Variants in MYT1L observed in about 807,000 individuals in gnomAD.
MYT1L encodes myelin transcription factor 1-like protein.
A neutral mutation model predicts 126.7 loss-of-function variants in MYT1L; 12 were observed. The observed-to-expected ratio is 0.09, with a 90% CI of 0.06 to 0.15. MYT1L has a LOEUF of 0.15. Among genes scored for constraint, MYT1L ranks in the 10% least tolerant of loss-of-function variants. The pLI, the probability that MYT1L is intolerant of heterozygous loss-of-function variation, is 1.00. For synonymous variants in MYT1L, 541 were observed against 604.2 expected, an observed-to-expected ratio of 0.90 and a Z score of 1.53; for missense variants, 979 against 1,585.2, an observed-to-expected ratio of 0.62 and a Z score of 6.49.
rs757528567 is a variant in MYT1L, at chr2:1,922,133, G to T, written c.1483+153C>A. ...AATATTTTATTTGCTTGTCAGAAAC[G>T]TAATCACAAAATATCCTTCTGGAAT... On this transcript the variant is annotated intron_variant, in intron 10 of 24. Coordinates refer to ENST00000647738, the MANE Select transcript of MYT1L (RefSeq NM_001303052.2). The surrounding 1 kb of genome is among the most constrained non-coding windows in gnomAD (Gnocchi z 7.4). Among the ~76,000 whole-genome samples the T allele has an allele frequency of 1.6e-4, 25 of 152,106 alleles. No individual in the cohort carries two copies. Among genetic ancestry groups the T allele is most frequent in the Admixed American group, 7.2e-4 (11 of 15,270 alleles).
At position 2,305,295 on chromosome 2, in the gene MYT1L, A is replaced by G. The variant is rs537507523; in HGVS notation, c.-520-20792T>C. On this transcript the variant is annotated intron_variant, in intron 1 of 24. Coordinates refer to ENST00000647738, the MANE Select transcript of MYT1L (RefSeq NM_001303052.2). ...TGCAAAGAACATTTCACAGTGGAAT[A>G]TATTGGACCAAGGTGATTATATTCA... Among the ~76,000 whole-genome samples, 10 of 152,308 alleles carry G rather than the reference A, an allele frequency of 6.6e-5. No individual in the cohort carries two copies. The South Asian group carries it at 1.0e-3, about 16-fold the overall frequency.
At chr2:2,108,784 A>AT (rs11423774) in intron 3 of MYT1L, among the ~76,000 whole-genome samples, 2,335 of 151,380 alleles carry the variant, frequency 0.015, 57 homozygotes, top group African/African-American at 0.053. Context: ...TCTTGGCAGT[A>AT]TTTTTTTTTC....
At chr2:2,310,744 T>C (rs1305234235) in intron 1 of MYT1L, among the ~76,000 whole-genome samples, 2 of 152,194 alleles carry the variant, frequency 1.3e-5, no homozygotes, top group Non-Finnish European at 2.9e-5. Context: ...AATTATACAG[T>C]TATCTATAAA....
chr2:2,309,773 C>T (rs577397696), intron 1 of MYT1L, among the ~76,000 whole-genome samples: 1 of 152,010 alleles, frequency 6.6e-6, no homozygotes, highest in African/African-American at 2.4e-5. Flanking sequence ...GTCTATACTC[C>T]ACCTACACTT....
At chr2:1,881,885 T>C (rs574893643) in intron 18 of MYT1L, among the ~76,000 whole-genome samples, 5 of 152,288 alleles carry the variant, frequency 3.3e-5, no homozygotes, top group South Asian at 2.1e-4. Context: ...TTATTAATGA[T>C]TGAGGAGCAG....
intron 19 of MYT1L, chr2:1,841,835 C>T (rs1256250655): frequency 1.3e-5 from 2 of 152,168 alleles, no homozygotes; most frequent in Non-Finnish European, 2.9e-5. Context: ...GGGCTAGTGA[C>T]TTATTCCAGG....
At chr2:1,963,026 A>G (rs986680187) in intron 8 of MYT1L, among the ~76,000 whole-genome samples, 4 of 152,242 alleles carry the variant, frequency 2.6e-5, no homozygotes, top group African/African-American at 9.6e-5. Context: ...CAGGTCCATC[A>G]GAGGAATCAC....
intron 4 of MYT1L, among the ~76,000 whole-genome samples, chr2:2,029,301 G>A (rs912492298): frequency 6.6e-6 from 1 of 152,118 alleles, no homozygotes; most frequent in Non-Finnish European, 1.5e-5. Flanking sequence ...CCCAAGACTG[G>A]GTAATTATAA....
At chr2:2,286,044 G>A (rs762258307) in intron 1 of MYT1L, among the ~76,000 whole-genome samples, 69 of 152,042 alleles carry the variant, frequency 4.5e-4, no homozygotes, top group East Asian at 2.5e-3. Flanking sequence ...GTGCAGTGGC[G>A]TGATCTCAGC....
At chr2:1,990,487 T>C (rs116658668) in intron 5 of MYT1L, among the ~76,000 whole-genome samples, 3,464 of 151,982 alleles carry the variant, frequency 0.023, 112 homozygotes, top group African/African-American at 0.075. Flanking sequence ...AGCACCAAAA[T>C]AGAAAAACCA....
At chr2:2,047,054 C>A (rs116225774) in intron 4 of MYT1L, among the ~76,000 whole-genome samples, 1,977 of 152,256 alleles carry the variant, frequency 0.013, 40 homozygotes, top group African/African-American at 0.046. Context: ...TATGCTAATA[C>A]GCCACTACGT....
intron 2 of MYT1L, among the ~76,000 whole-genome samples, chr2:2,184,865 CCCG>C (rs1295212045): frequency 6.6e-6 from 1 of 152,228 alleles, no homozygotes; most frequent in African/African-American, 2.4e-5. Context: ...CAGAAAGGGA[CCCG>C]CCAAGAGAGG....
Position 2,303,602 on chromosome 2 carries a change from A to T in MYT1L, c.-520-19099T>A, listed in dbSNP as rs1433235409. 2.0e-5 allele frequency: 3 copies of T among 152,236 alleles called. No homozygotes were observed. In the East Asian group the frequency reaches 5.8e-4, roughly 29 times the overall value. The allele number at this position is 152,236 out of a possible 1,614,324, so 9.4% of individuals were successfully genotyped here. A position where few individuals can be genotyped will look rare whatever the true frequency, so the allele number is the denominator to read the frequency against. ...AGGAGTGCACTTAGGCAGCGTACGG[A>T]CTGTGTTCAGGCAGTTCTCAGCAGG... On this transcript the variant is annotated intron_variant, in intron 1 of 24. Transcript: ENST00000647738.
intron 2 of MYT1L, among the ~76,000 whole-genome samples, chr2:2,263,189 G>A (rs1436105563): frequency 6.6e-6 from 1 of 151,514 alleles, no homozygotes; most frequent in African/African-American, 2.4e-5. Context: ...TGAATTAATT[G>A]ATTAGGATTC....
Position 1,790,717 on chromosome 2 carries a change from C to A in MYT1L, c.*1150G>T, listed in dbSNP as rs1190226750. The A allele has an allele frequency of 6.5e-6, 1 of 154,868 alleles. No individual in the cohort carries two copies. The highest frequency in any genetic ancestry group is 1.4e-5 in the Non-Finnish European group (1 of 69,728). The allele number at this position is 154,868 out of a possible 1,614,324, so 9.6% of individuals were successfully genotyped here. On this transcript the variant is annotated 3_prime_UTR_variant, in exon 25 of 25. Transcript: ENST00000647738. ...CGGGGGGAGCAGGAGGGAAACTTTACCGAGCTGCCTTCCCACCAGATCCAG... is the reference window on the plus strand; with the variant it reads ...CGGGGGGAGCAGGAGGGAAACTTTAACGAGCTGCCTTCCCACCAGATCCAG...
chr2:2,160,388 TTGA>T (rs1384028353), intron 3 of MYT1L, among the ~76,000 whole-genome samples: 1 of 152,124 alleles, frequency 6.6e-6, no homozygotes, highest in East Asian at 1.9e-4. Context: ...AACCAAATGG[TTGA>T]TGAAGGAACG....
intron 22 of MYT1L, among the ~76,000 whole-genome samples, chr2:1,807,896 G>A (rs756245551): frequency 2.7e-4 from 41 of 152,286 alleles, no homozygotes; most frequent in African/African-American, 7.9e-4. Context: ...TCCACGTGTC[G>A]TGGGAGGGAC....
chr2:2,312,493 G>T lies in MYT1L; in HGVS notation c.-521+18474C>A, dbSNP rs2095989480. 2.6e-5 allele frequency among the ~76,000 whole-genome samples: 4 copies of T among 152,038 alleles called. No individual in the cohort carries two copies. The South Asian group carries it at 8.3e-4, about 32-fold the overall frequency. ...CCAGGTGGGGTGACATGCACCTGCA[G>T]TCCCAGCTACTCAGGAGGCTGAGGT... On this transcript the variant is annotated intron_variant, in intron 1 of 24. Transcript: ENST00000647738.
intron 19 of MYT1L, among the ~76,000 whole-genome samples, chr2:1,845,870 A>G (rs1438049975): frequency 6.6e-6 from 1 of 152,186 alleles, no homozygotes; most frequent in Non-Finnish European, 1.5e-5. Context: ...TGGTGTTATA[A>G]GACGTTCTGT....
Sources: allele counts gnomAD v4.1 joint callset (sites outside exome capture counted in the v4.1 genomes callset), GRCh38; gene constraint gnomAD v4.1.1; non-coding constraint Gnocchi (gnomAD v3.1); transcripts MANE v1.5; gene names NCBI Gene and HGNC (gene_info 2026-07-23, HGNC 2026-07-21).